The following DNAAF10 variants were observed in gnomAD, a reference collection of about 807,000 sequenced individuals.
DNAAF10 encodes WD repeat domain 92.
In DNAAF10, 28 loss-of-function variants were observed where a neutral mutation model predicts 43.7. The observed-to-expected ratio is 0.64, with a 90% CI of 0.48 to 0.88. The LOEUF (loss-of-function observed/expected upper bound fraction) is 0.88. Ranked by LOEUF, DNAAF10 falls within the 40% of genes least tolerant of loss-of-function variation. The pLI is 0.00. For missense variants in DNAAF10, 403 were observed against 439.1 expected (o/e 0.92, Z 0.73); for synonymous variants, 156 against 157.3 (o/e 0.99, Z 0.06).
At position 68,129,979 on chromosome 2, in the gene DNAAF10, CAA is replaced by C. The variant is rs1041403257; in HGVS notation, c.*1257_*1258del. The C allele has an allele frequency of 6.6e-6, 1 of 151,788 alleles. No homozygotes were observed. Among genetic ancestry groups the C allele is most frequent in the Non-Finnish European group, 1.5e-5 (1 of 67,958 alleles). 9.4% of individuals were successfully genotyped at this position (151,788 alleles called of 1,614,324 possible). ...ACCATCACTTACCACAGTCAAAAAC[CAA>C]AAGTCTCACCAATTCAGTTCCTGTA... On this transcript the variant is annotated 3_prime_UTR_variant, in exon 8 of 8. Transcript: ENST00000295121.
chr2:68,141,635 G>A (rs1572921096), intron 4 of DNAAF10, 59 bp downstream of exon 4: 3 of 1,491,404 alleles, frequency 2.0e-6, no homozygotes, highest in Admixed American at 1.7e-5. Context: ...GAAATTTCTT[G>A]CAGCATCGTG....
At chr2:68,143,621 T>C (rs978240414) in intron 3 of DNAAF10, among the ~76,000 whole-genome samples, 1 of 152,240 alleles carries the variant, frequency 6.6e-6, no homozygotes, top group Non-Finnish European at 1.5e-5. Flanking sequence ...AGGGAATGGT[T>C]AAGTACGGCC....
rs1672893463 is a variant in DNAAF10, at chr2:68,130,091, A to AACCGT, written c.*1142_*1146dup. The AACCGT allele has an allele frequency of 8.0e-6, 1 of 125,624 alleles. No individual in the cohort carries two copies. Among genetic ancestry groups the AACCGT allele is most frequent in the Non-Finnish European group, 1.7e-5 (1 of 60,494 alleles). 7.8% of individuals were successfully genotyped at this position (125,624 alleles called of 1,614,324 possible). Reference sequence around the variant, plus strand: ...GAAAATAGCTACCCAAATCTAGACCAACCGTGCCGTTTTGAGAGAGAGAGA... The same window carrying AACCGT: ...GAAAATAGCTACCCAAATCTAGACCAACCGTACCGTGCCGTTTTGAGAGAGAGAGA... On this transcript the variant is annotated 3_prime_UTR_variant, in exon 8 of 8. Transcript: ENST00000295121.
intron 7 of DNAAF10, among the ~76,000 whole-genome samples, chr2:68,132,700 C>A (rs1672951234): frequency 6.6e-6 from 1 of 152,122 alleles, no homozygotes; most frequent in South Asian, 2.1e-4. Flanking sequence ...GACAGACTGG[C>A]AAATGAAAAT....
intron 7 of DNAAF10, among the ~76,000 whole-genome samples, chr2:68,133,855 T>C (rs1672975012): frequency 6.6e-6 from 1 of 152,182 alleles, no homozygotes; most frequent in Non-Finnish European, 1.5e-5. Context: ...TCAGAACCCC[T>C]TCCAGCTTCT....
intron 1 of DNAAF10, among the ~76,000 whole-genome samples, chr2:68,153,707 T>G (rs1366762743): frequency 6.6e-6 from 1 of 151,232 alleles, no homozygotes; most frequent in Non-Finnish European, 1.5e-5. Flanking sequence ...TATTTAAAAA[T>G]TTTTTTCCAT....
chr2:68,146,193 T>C (rs1388821375), intron 2 of DNAAF10, among the ~76,000 whole-genome samples: 3 of 151,914 alleles, frequency 2.0e-5, no homozygotes, highest in Non-Finnish European at 4.4e-5. Context: ...AACCGGGAGG[T>C]GGAGGTTGCA....
intron 1 of DNAAF10, among the ~76,000 whole-genome samples, chr2:68,154,196 A>G (rs576893079): frequency 6.6e-6 from 1 of 152,286 alleles, no homozygotes; most frequent in East Asian, 1.9e-4. Context: ...CAGACAACTC[A>G]TGGTAGAAAA....
intron 1 of DNAAF10, 144 bp downstream of exon 1, chr2:68,157,115 TCA>T (rs1479090702): frequency 2.7e-6 from 3 of 1,101,804 alleles, no homozygotes; most frequent in Non-Finnish European, 3.8e-6. Context: ...GAAACATTCC[TCA>T]GTCGGCGGTC....
chr2:68,131,690 A>C, intron 7 of DNAAF10: 1 of 440,328 alleles, frequency 2.3e-6, no homozygotes, highest in Non-Finnish European at 4.1e-6. Context: ...ATTTCTGCTC[A>C]ACGTGTATCT....
intron 6 of DNAAF10, among the ~76,000 whole-genome samples, chr2:68,136,375 A>G (rs907798997): frequency 1.3e-5 from 2 of 152,216 alleles, no homozygotes; most frequent in African/African-American, 4.8e-5. Context: ...TTCTGAAATG[A>G]CAAAAGCAAA....
At chr2:68,154,392 G>A (rs13016047) in intron 1 of DNAAF10, among the ~76,000 whole-genome samples, 36,015 of 151,494 alleles carry the variant, frequency 0.24, 4,432 homozygotes, top group African/African-American at 0.26. Context: ...GACTACAGGC[G>A]CCCGCCACCA....
intron 1 of DNAAF10, among the ~76,000 whole-genome samples, chr2:68,150,445 A>C (rs1220622409): frequency 6.6e-6 from 1 of 152,200 alleles, no homozygotes; most frequent in African/African-American, 2.4e-5. Flanking sequence ...CAGTTAAAAA[A>C]ACTTGGACTG....
intron 1 of DNAAF10, 39 bp downstream of exon 1, chr2:68,157,222 G>T: frequency 6.3e-7 from 1 of 1,583,960 alleles, no homozygotes; most frequent in Non-Finnish European, 8.6e-7. Flanking sequence ...ATCCGCACTC[G>T]CCCCCAACGG....
intron 6 of DNAAF10, 78 bp downstream of exon 6, chr2:68,137,221 C>T (rs1673064881): frequency 1.4e-6 from 2 of 1,446,566 alleles, no homozygotes; most frequent in African/African-American, 1.4e-5. Context: ...TGGAAGAAAC[C>T]TTGGTGACTA....
At chr2:68,156,631 C>T (rs987267775) in intron 1 of DNAAF10, among the ~76,000 whole-genome samples, 1 of 152,162 alleles carries the variant, frequency 6.6e-6, no homozygotes, top group Admixed American at 6.5e-5. Context: ...ATGTCTGGTT[C>T]CTGCTTATCC....
chr2:68,140,247 T>C (rs1227546489), intron 4 of DNAAF10, among the ~76,000 whole-genome samples: 1 of 152,176 alleles, frequency 6.6e-6, no homozygotes, highest in Non-Finnish European at 1.5e-5. Flanking sequence ...AACTTCGTTT[T>C]TCTCATAAAC....
At position 68,130,115 on chromosome 2, in the gene DNAAF10, G is replaced by GAGAGATATATATATATATATATATATAT. The variant is rs1453152500; in HGVS notation, c.*1122_*1123insATATATATATATATATATATATATCTCT. 18 of 132,932 alleles carry GAGAGATATATATATATATATATATATAT rather than the reference G, an allele frequency of 1.4e-4. No homozygotes were observed. Among genetic ancestry groups the GAGAGATATATATATATATATATATATAT allele is most frequent in the African/African-American group, 2.9e-4 (10 of 34,300 alleles). 8.2% of individuals were successfully genotyped at this position (132,932 alleles called of 1,614,324 possible). ...CAACCGTGCCGTTTTGAGAGAGAGA[G>GAGAGATATATATATATATATATATATAT]ATATATATATATATATTTGTTTTTT... On this transcript the variant is annotated 3_prime_UTR_variant, in exon 8 of 8. Transcript: ENST00000295121.
rs756034508 is a variant in DNAAF10, at chr2:68,157,438, C to T, written c.6G>A (p.Ser2=). M[S]AFEKPQIIAH... ...CGATGATCTGAGGCTTCTCGAAGGC[C>T]GACATGGTGCAGCCAATTTCAGCTA... The change falls in exon 1 of 8, where the codon TCG becomes TCA. Residue 2 remains serine (S), a synonymous_variant. Coordinates refer to ENST00000295121, the MANE Select transcript of DNAAF10 (RefSeq NM_138458.4). 6.2e-7 allele frequency: 1 copy of T among 1,614,132 alleles called. No individual in the cohort carries two copies.
Sources: gnomAD v4.1 joint callset for allele counts (sites outside exome capture counted in the v4.1 genomes callset) on GRCh38, gnomAD v4.1.1 for gene constraint, MANE v1.5 for transcripts, NCBI Gene and HGNC (gene_info 2026-07-23, HGNC 2026-07-21) for gene names.